The following HECW1 variants were observed in gnomAD, a reference collection of about 807,000 sequenced individuals.
HECW1 encodes HECT, C2 and WW domain containing E3 ubiquitin protein ligase 1.
In HECW1, 61 loss-of-function variants were observed where a neutral mutation model predicts 182.3. That is an observed-to-expected ratio of 0.33 (90% CI 0.27 to 0.41). HECW1 has a LOEUF of 0.41. HECW1 is among the 10% of genes least tolerant of loss of function. The pLI is 1.00. For synonymous variants in HECW1, 859 were observed against 832.6 expected, an observed-to-expected ratio of 1.03 and a Z score of -0.55; for missense variants, 1,739 against 2,108.9, an observed-to-expected ratio of 0.82 and a Z score of 3.44.
At chr7:43,148,934 C>T (rs925744989) in intron 2 of HECW1, 5 of 151,816 alleles carry the variant, frequency 3.3e-5, no homozygotes, top group Non-Finnish European at 5.9e-5. Context: ...TCTTCTTCAG[C>T]CCTGAAAGTA....
intron 2 of HECW1, among the ~76,000 whole-genome samples, chr7:43,192,487 A>G (rs1052132347): frequency 6.6e-6 from 1 of 151,052 alleles, no homozygotes; most frequent in Non-Finnish European, 1.5e-5. Flanking sequence ...TATATCTAAT[A>G]TGTATCAATA....
chr7:43,555,497 A>C (rs1233412271), intron 29 of HECW1, among the ~76,000 whole-genome samples: 1 of 152,228 alleles, frequency 6.6e-6, no homozygotes, highest in East Asian at 1.9e-4. Flanking sequence ...CGCTGCTGCA[A>C]CAGACAGAAG....
At chr7:43,441,551 TTC>T (rs66803540) in intron 9 of HECW1, among the ~76,000 whole-genome samples, 60,742 of 151,464 alleles carry the variant, frequency 0.4, 12,715 homozygotes, top group South Asian at 0.5. Flanking sequence ...TCTTTTTTTA[TTC>T]TCTCTCTCTC....
intron 2 of HECW1, among the ~76,000 whole-genome samples, chr7:43,230,487 T>C (rs951888105): frequency 6.6e-6 from 1 of 152,200 alleles, no homozygotes; most frequent in Non-Finnish European, 1.5e-5. Context: ...GGATTTTTCT[T>C]TTTCACAAAG....
chr7:43,334,456 C>CT (rs571944908), intron 5 of HECW1, among the ~76,000 whole-genome samples: 151 of 152,220 alleles, frequency 9.9e-4, no homozygotes, highest in Non-Finnish European at 1.4e-3. Context: ...AATATGGTAC[C>CT]TAAGAATATT....
At position 43,121,678 on chromosome 7, in the gene HECW1, C is replaced by T. The variant is rs934504419; in HGVS notation, c.-32+7287C>T. On this transcript the variant is annotated intron_variant, in intron 2 of 29. Transcript: ENST00000395891. Reference sequence around the variant, plus strand: ...AAATGTAACCATTTTTAAGATCTAACTTAAACCTTACCTCCTAGCAGAGTC... The same window carrying T: ...AAATGTAACCATTTTTAAGATCTAATTTAAACCTTACCTCCTAGCAGAGTC... The T allele has an allele frequency of 3.9e-5, 6 of 152,238 alleles. No homozygotes were observed. In the East Asian group the frequency reaches 9.6e-4, roughly 24 times the overall value. The allele number at this position is 152,238 out of a possible 1,614,324, so 9.4% of individuals were successfully genotyped here. A position where few individuals can be genotyped will look rare whatever the true frequency, so the allele number is the denominator to read the frequency against.
chr7:43,237,147 AGGTAGGTAGGTAGGTAGGTAGGT>A (rs1562714985), intron 2 of HECW1, among the ~76,000 whole-genome samples: 3 of 83,548 alleles, frequency 3.6e-5, no homozygotes, highest in East Asian at 5.2e-4. Flanking sequence ...GGAAGTAGGT[AGGTAGGTAGGTAGGTAGGTAGGT>A]AGGTAGGTAG....
chr7:43,372,001 T>C (rs1285020907), intron 6 of HECW1, among the ~76,000 whole-genome samples: 2 of 152,058 alleles, frequency 1.3e-5, no homozygotes, highest in Non-Finnish European at 2.9e-5. Flanking sequence ...TTTGTATTTT[T>C]AGTAGAGATG....
At chr7:43,152,557 G>A (rs538586749) in intron 2 of HECW1, among the ~76,000 whole-genome samples, 1 of 152,110 alleles carries the variant, frequency 6.6e-6, no homozygotes, top group Admixed American at 6.5e-5. Flanking sequence ...TCTCTTATAA[G>A]GGTACAATAT....
intron 6 of HECW1, among the ~76,000 whole-genome samples, chr7:43,378,993 G>A (rs993356410): frequency 6.6e-6 from 1 of 152,062 alleles, no homozygotes; most frequent in South Asian, 2.1e-4. Flanking sequence ...CTTATGGGGG[G>A]GCGGTGTGCC....
At chr7:43,198,983 T>G (rs922344420) in intron 2 of HECW1, among the ~76,000 whole-genome samples, 12 of 152,236 alleles carry the variant, frequency 7.9e-5, no homozygotes, top group African/African-American at 2.9e-4. Flanking sequence ...TCAATAACGC[T>G]AAGCTAAACC....
At chr7:43,434,733 G>A (rs1173507212) in intron 8 of HECW1, among the ~76,000 whole-genome samples, 1 of 152,152 alleles carries the variant, frequency 6.6e-6, no homozygotes, top group Non-Finnish European at 1.5e-5. Flanking sequence ...GAAGGGATGG[G>A]TGTGTGAAGA....
In HECW1 at chr7:43,311,926, C is replaced by T. The variant is rs1808576385; in HGVS notation, c.191C>T (p.Pro64Leu). 1 of 1,614,102 alleles carries T rather than the reference C, an allele frequency of 6.2e-7. No individual in the cohort carries two copies. The change falls in exon 4 of 30, where the codon CCC becomes CTC. Residue 64 changes from proline (P) to leucine (L), a missense_variant. By Grantham distance (98) the Pro-to-Leu change is moderately conservative. Transcript: ENST00000395891. Reference sequence around the variant, plus strand: ...GGCCCCCACGATGGCGTCACCATTCCCCGCTCCACCAGCGACACTGACCTG... The same window carrying T: ...GGCCCCCACGATGGCGTCACCATTCTCCGCTCCACCAGCGACACTGACCTG... ...RGGPHDGVTI[P>L]RSTSDTDLVT...
At chr7:43,201,269 C>A (rs1324619945) in intron 2 of HECW1, among the ~76,000 whole-genome samples, 2 of 152,184 alleles carry the variant, frequency 1.3e-5, no homozygotes, top group African/African-American at 4.8e-5. Context: ...AATCACAGAG[C>A]TCCAGAGAAG....
chr7:43,398,189 G>A (rs892826865), intron 7 of HECW1, among the ~76,000 whole-genome samples: 1 of 152,054 alleles, frequency 6.6e-6, no homozygotes, highest in Admixed American at 6.6e-5. Context: ...CATGGGAGGT[G>A]GAGGTTGCAG....
chr7:43,272,015 C>A (rs983877368), intron 3 of HECW1, among the ~76,000 whole-genome samples: 1 of 151,950 alleles, frequency 6.6e-6, no homozygotes, highest in Admixed American at 6.6e-5. Flanking sequence ...ACCAATGCAA[C>A]AGAGTAGGGC....
Position 43,466,559 on chromosome 7 carries a change from T to C in HECW1, c.2904T>C (p.His968=), listed in dbSNP as rs2304328. 653,798 of 1,612,470 alleles carry C rather than the reference T, an allele frequency of 0.41. 134,302 individuals are homozygous for C. Among genetic ancestry groups the C allele is most frequent in the Middle Eastern group, 0.56 (3,359 of 6,030 alleles). The change falls in exon 15 of 30, where the codon CAT becomes CAC. Residue 968 remains histidine, a synonymous_variant. Coordinates refer to ENST00000395891, the MANE Select transcript of HECW1 (RefSeq NM_015052.5). ...ITNPEFFTVL[H]ANYSAYRVFT... ...ACCCCGAGTTCTTCACTGTGCTACA[T>C]GCCAATTATGTGAGTGCCCTAAAAT... is the stretch of plus-strand genomic sequence containing the variant.
At position 43,541,211 on chromosome 7, in the gene HECW1, C is replaced by T. The variant is rs757284752; in HGVS notation, c.4068C>T (p.Tyr1356=). 1 of 1,614,210 alleles carries T rather than the reference C, an allele frequency of 6.2e-7. No individual in the cohort carries two copies. The highest frequency in any genetic ancestry group is 1.1e-5 in the South Asian group (1 of 91,088). The change falls in exon 25 of 30, where the codon TAC becomes TAT. Residue 1356 remains tyrosine (Y), a synonymous_variant. Transcript: ENST00000395891. The stretch of plus-strand genomic sequence containing the variant: ...TGGGTCTGGCTCTGATCCATCAGTA[C>T]CTTCTTGACGCTTTCTTCACGAGGC... The part of the protein sequence containing the change: ...RILGLALIHQ[Y]LLDAFFTRPF...
chr7:43,436,599 C>G (rs2076723718), intron 8 of HECW1, among the ~76,000 whole-genome samples: 1 of 152,064 alleles, frequency 6.6e-6, no homozygotes, highest in Admixed American at 6.6e-5. Flanking sequence ...GCTTCTGAGC[C>G]AGGAGAAGGA....
Sources: gnomAD v4.1 joint callset for allele counts (sites outside exome capture counted in the v4.1 genomes callset) on GRCh38, gnomAD v4.1.1 for gene constraint, MANE v1.5 for transcripts, NCBI Gene and HGNC (gene_info 2026-07-23, HGNC 2026-07-21) for gene names.